AIG1: variants seen among roughly 807,000 people sequenced by gnomAD.
AIG1 encodes the protein androgen induced 1, also known as androgen-induced gene 1 protein.
In AIG1, 23 loss-of-function variants were observed where a neutral mutation model predicts 31.4. The observed-to-expected ratio is 0.73, with a 90% CI of 0.53 to 1.04. The LOEUF (loss-of-function observed/expected upper bound fraction) is 1.04. Among genes scored for constraint, AIG1 ranks in the 50% least tolerant of loss-of-function variants. The pLI, the probability that AIG1 is intolerant of heterozygous loss-of-function variation, is 0.00. For synonymous variants in AIG1, 100 were observed against 110.5 expected (o/e 0.90, Z 0.60); for missense variants, 274 against 295.0 (o/e 0.93, Z 0.52).
intron 3 of AIG1, among the ~76,000 whole-genome samples, chr6:143,263,555 T>G (rs1314168265): frequency 1.3e-5 from 2 of 152,202 alleles, no homozygotes; most frequent in African/African-American, 4.8e-5. Flanking sequence ...TTAAAGAACA[T>G]TCTAAAAAAT....
At chr6:143,073,177 T>A (rs1777447235) in intron 1 of AIG1, among the ~76,000 whole-genome samples, 1 of 152,250 alleles carries the variant, frequency 6.6e-6, no homozygotes. Context: ...TCATGTCCTC[T>A]AGGCTCATTC....
chr6:143,191,625 G>A (rs1789798335), intron 3 of AIG1, among the ~76,000 whole-genome samples: 1 of 151,966 alleles, frequency 6.6e-6, no homozygotes, highest in African/African-American at 2.4e-5. Context: ...GAAATATAGA[G>A]GATTTTCAAA....
intron 1 of AIG1, among the ~76,000 whole-genome samples, chr6:143,101,254 A>G (rs1235713139): frequency 6.6e-6 from 1 of 152,132 alleles, no homozygotes; most frequent in African/African-American, 2.4e-5. Flanking sequence ...CACTGAGACC[A>G]ATGCAGGAAA....
chr6:143,300,039 A>G (rs1419042262), intron 4 of AIG1, among the ~76,000 whole-genome samples: 4 of 152,218 alleles, frequency 2.6e-5, no homozygotes, highest in African/African-American at 7.2e-5. Flanking sequence ...GACATTCACC[A>G]GATGAGCCCC....
chr6:143,062,300 G>A (rs1691348365), intron 1 of AIG1, among the ~76,000 whole-genome samples: 1 of 152,168 alleles, frequency 6.6e-6, no homozygotes. Context: ...AGACTTCACA[G>A]GGTATAGAAT....
At chr6:143,163,564 A>C (rs1202714952) in intron 2 of AIG1, among the ~76,000 whole-genome samples, 1 of 152,070 alleles carries the variant, frequency 6.6e-6, no homozygotes. Context: ...GGTTGGTTCT[A>C]CTACAAAATC....
At chr6:143,199,919 G>A (rs942278865) in intron 3 of AIG1, among the ~76,000 whole-genome samples, 1 of 151,486 alleles carries the variant, frequency 6.6e-6, no homozygotes, top group Admixed American at 6.6e-5. Flanking sequence ...TTAAAGGAAG[G>A]GTAGGCTTTT....
chr6:143,141,000 T>C (rs561149520), intron 2 of AIG1, among the ~76,000 whole-genome samples: 2 of 152,326 alleles, frequency 1.3e-5, no homozygotes, highest in Admixed American at 1.3e-4. Flanking sequence ...CTGGCTATTA[T>C]CTACTGTCTT....
chr6:143,320,842 A>G (rs866741408), intron 4 of AIG1, among the ~76,000 whole-genome samples: 2 of 145,924 alleles, frequency 1.4e-5, no homozygotes, highest in Non-Finnish European at 1.5e-5. Flanking sequence ...TTTTTTTGAG[A>G]AGGAGTTTCG....
intron 1 of AIG1, among the ~76,000 whole-genome samples, chr6:143,097,499 T>C (rs950900387): frequency 3.3e-5 from 5 of 152,208 alleles, no homozygotes; most frequent in Non-Finnish European, 5.9e-5. Context: ...TAAGAATGAT[T>C]GAAGAAAATC....
chr6:143,165,226 T>G, intron 3 of AIG1, 43 bp downstream of exon 3: 1 of 1,466,490 alleles, frequency 6.8e-7, no homozygotes, highest in Non-Finnish European at 9.5e-7. Context: ...TTTTAAAAAA[T>G]CTATTAAATA....
chr6:143,091,559 T>A (rs1205436881), intron 1 of AIG1, among the ~76,000 whole-genome samples: 1 of 152,220 alleles, frequency 6.6e-6, no homozygotes, highest in East Asian at 1.9e-4. Flanking sequence ...AAAAGCTGTG[T>A]CTCTATCTTT....
At chr6:143,170,587 GTTTTT>G (rs35615915) in intron 3 of AIG1, among the ~76,000 whole-genome samples, 64 of 147,092 alleles carry the variant, frequency 4.4e-4, no homozygotes, top group African/African-American at 1.4e-3. Flanking sequence ...AAAAAAACAA[GTTTTT>G]TTTTTTTTGT....
At chr6:143,303,486 C>A (rs1798987350) in intron 4 of AIG1, among the ~76,000 whole-genome samples, 1 of 152,176 alleles carries the variant, frequency 6.6e-6, no homozygotes, top group South Asian at 2.1e-4. Flanking sequence ...ATAGGGAATC[C>A]TTTCCCCATT....
chr6:143,136,184 T>TA (rs1562413120), intron 1 of AIG1, among the ~76,000 whole-genome samples: 1 of 152,220 alleles, frequency 6.6e-6, no homozygotes, highest in African/African-American at 2.4e-5. Context: ...ATTTCATAAA[T>TA]ACTAAAAACC....
chr6:143,195,620 A>G (rs750323083), intron 3 of AIG1, among the ~76,000 whole-genome samples: 8 of 150,900 alleles, frequency 5.3e-5, no homozygotes, highest in Non-Finnish European at 8.9e-5. Context: ...GCGACTGGCC[A>G]CCCTGAGGGA....
chr6:143,296,698 T>C (rs774482433), intron 4 of AIG1, among the ~76,000 whole-genome samples: 2 of 152,178 alleles, frequency 1.3e-5, no homozygotes, highest in African/African-American at 2.4e-5. Flanking sequence ...TCAACAGAAA[T>C]TTATAGCCTA....
intron 3 of AIG1, among the ~76,000 whole-genome samples, chr6:143,184,059 A>C (rs1240553004): frequency 6.6e-6 from 1 of 152,224 alleles, no homozygotes; most frequent in Admixed American, 6.5e-5. Context: ...GAATCCTAGA[A>C]TCCTAAACTT....
At chr6:143,290,653 T>G (rs970873189) in intron 4 of AIG1, among the ~76,000 whole-genome samples, 2 of 152,216 alleles carry the variant, frequency 1.3e-5, no homozygotes, top group Non-Finnish European at 2.9e-5. Flanking sequence ...GGAGACTGCC[T>G]TTCCCTGGTG....
Sources: allele counts gnomAD v4.1 joint callset (sites outside exome capture counted in the v4.1 genomes callset), GRCh38; gene constraint gnomAD v4.1.1; transcripts MANE v1.5; gene names NCBI Gene and HGNC (gene_info 2026-07-23, HGNC 2026-07-21).